Variants in MAP3K7CL observed in about 807,000 individuals in gnomAD.
MAP3K7CL encodes the protein MAP3K7 C-terminal like.
A neutral mutation model predicts 18.6 loss-of-function variants in MAP3K7CL; 16 were observed. That is an observed-to-expected ratio of 0.86 (90% confidence interval 0.58 to 1.31). The LOEUF (loss-of-function observed/expected upper bound fraction) is 1.31. MAP3K7CL is among the 50% of genes most tolerant of loss of function. The pLI is 0.00. For synonymous variants in MAP3K7CL, 65 were observed against 66.8 expected (o/e 0.97, Z 0.13); for missense variants, 163 against 174.4 (o/e 0.93, Z 0.37).
chr21:29,112,890 C>T (rs534012314), intron 4 of MAP3K7CL, among the ~76,000 whole-genome samples: 3 of 151,884 alleles, frequency 2.0e-5, no homozygotes, highest in Non-Finnish European at 2.9e-5. Context: ...ACCACTGCAA[C>T]CTCTGCCTCC....
chr21:29,109,161 C>T (rs1284224695), intron 4 of MAP3K7CL: 36 of 1,535,310 alleles, frequency 2.3e-5, no homozygotes, highest in South Asian at 6.0e-5. Flanking sequence ...CCCTAACGCC[C>T]TTTCCACCAG....
intron 1 of MAP3K7CL, among the ~76,000 whole-genome samples, chr21:29,080,274 G>C (rs1248545828): frequency 6.6e-6 from 1 of 152,220 alleles, no homozygotes; most frequent in Non-Finnish European, 1.5e-5. Flanking sequence ...CTTGGATTCT[G>C]TTGCAGTTAT....
At chr21:29,148,151 T>C (rs1194320907) in intron 2 of MAP3K7CL, among the ~76,000 whole-genome samples, 2 of 152,052 alleles carry the variant, frequency 1.3e-5, no homozygotes, top group Non-Finnish European at 2.9e-5. Flanking sequence ...GTACTGTATA[T>C]GTATCTGTAC....
intron 2 of MAP3K7CL, among the ~76,000 whole-genome samples, chr21:29,143,437 T>C (rs771703582): frequency 4.4e-4 from 67 of 151,978 alleles, no homozygotes; most frequent in Non-Finnish European, 7.8e-4. Context: ...TTCTTTTTTT[T>C]TTGAGGCGGA....
intron 4 of MAP3K7CL, among the ~76,000 whole-genome samples, chr21:29,124,447 A>G (rs1298571918): frequency 6.6e-6 from 1 of 152,072 alleles, no homozygotes; most frequent in Non-Finnish European, 1.5e-5. Context: ...TTAAGTTTTC[A>G]TAAATAAAAT....
intron 2 of MAP3K7CL, among the ~76,000 whole-genome samples, chr21:29,142,359 G>A (rs752871548): frequency 6.6e-5 from 10 of 152,152 alleles, no homozygotes; most frequent in Non-Finnish European, 1.3e-4. Context: ...GAGCCACTGC[G>A]CCTGGACAGA....
intron 4 of MAP3K7CL, among the ~76,000 whole-genome samples, chr21:29,125,538 C>T (rs1240235731): frequency 6.6e-6 from 1 of 152,160 alleles, no homozygotes; most frequent in East Asian, 1.9e-4. Flanking sequence ...CCCAGTTACC[C>T]TTAAAATCAA....
At chr21:29,167,369 A>T (rs1214942315) in intron 4 of MAP3K7CL, among the ~76,000 whole-genome samples, 1 of 152,216 alleles carries the variant, frequency 6.6e-6, no homozygotes, top group African/African-American at 2.4e-5. Context: ...ATGTCTTTTT[A>T]AAATGTATAA....
chr21:29,115,050 C>A (rs1218246976), intron 4 of MAP3K7CL, among the ~76,000 whole-genome samples: 1 of 152,178 alleles, frequency 6.6e-6, no homozygotes, highest in African/African-American at 2.4e-5. Flanking sequence ...GCCCATTGGA[C>A]AGCAGGGGGT....
At chr21:29,167,363 C>CTT (rs926994831) in intron 4 of MAP3K7CL, among the ~76,000 whole-genome samples, 18 of 152,260 alleles carry the variant, frequency 1.2e-4, no homozygotes, top group African/African-American at 4.3e-4. Context: ...ATTGTCATGT[C>CTT]TTTTTAAAAT....
chr21:29,097,599 T>G (rs1601144618), intron 4 of MAP3K7CL, among the ~76,000 whole-genome samples: 1 of 151,090 alleles, frequency 6.6e-6, no homozygotes, highest in Non-Finnish European at 1.5e-5. Context: ...CCTTACAAGT[T>G]TTTTTTTTAT....
chr21:29,160,629 C>T lies in MAP3K7CL; in HGVS notation c.248+573C>T, dbSNP rs954507950. ...CCTTCTTTTTAATTGCACTTGATTCCGCCAGTGCCTACCCCAGTGAATCCC... is the reference window on the plus strand; with the variant it reads ...CCTTCTTTTTAATTGCACTTGATTCTGCCAGTGCCTACCCCAGTGAATCCC... On this transcript the variant is annotated intron_variant, in intron 4 of 4. Transcript: ENST00000399928. Among the ~76,000 whole-genome samples, 10 of 152,156 alleles carry T rather than the reference C, an allele frequency of 6.6e-5. No individual in the cohort carries two copies. In the South Asian group the frequency reaches 1.2e-3, roughly 19 times the overall value.
chr21:29,164,107 AAAAC>A (rs1568971669), intron 4 of MAP3K7CL, among the ~76,000 whole-genome samples: 1 of 148,940 alleles, frequency 6.7e-6, no homozygotes, highest in Non-Finnish European at 1.5e-5. Context: ...TTAAAAAAAA[AAAAC>A]AAACTGCTAG....
upstream of MAP3K7CL, among the ~76,000 whole-genome samples, chr21:29,077,294 G>T (rs2085765127): frequency 6.6e-6 from 1 of 152,256 alleles, no homozygotes; most frequent in African/African-American, 2.4e-5. Context: ...CAGGTCCCTA[G>T]CCCTGCCCTG....
chr21:29,126,941 ATT>A (rs762869020), upstream of MAP3K7CL, among the ~76,000 whole-genome samples: 3 of 152,234 alleles, frequency 2.0e-5, no homozygotes, highest in Non-Finnish European at 2.9e-5. Context: ...CTTCTCAACT[ATT>A]CTCTAAATGC....
chr21:29,078,358 C>T (rs896550626), intron 1 of MAP3K7CL, among the ~76,000 whole-genome samples: 4 of 151,856 alleles, frequency 2.6e-5, no homozygotes, highest in African/African-American at 9.7e-5. Context: ...CTCTTTTAAT[C>T]GAATTTATTT....
chr21:29,155,969 C>T (rs995597659), intron 3 of MAP3K7CL, among the ~76,000 whole-genome samples: 2 of 152,226 alleles, frequency 1.3e-5, no homozygotes, highest in African/African-American at 4.8e-5. Flanking sequence ...GCTGCTGTGA[C>T]CGCACAGAAT....
At chr21:29,171,598 C>A (rs1318617370) in intron 4 of MAP3K7CL, among the ~76,000 whole-genome samples, 1 of 151,958 alleles carries the variant, frequency 6.6e-6, no homozygotes, top group African/African-American at 2.4e-5. Context: ...GGAGGATCAC[C>A]TGAGGTCAGG....
upstream of MAP3K7CL, among the ~76,000 whole-genome samples, chr21:29,083,996 CAT>C (rs978759474): frequency 3.4e-5 from 5 of 146,480 alleles, no homozygotes; most frequent in African/African-American, 9.9e-5. Flanking sequence ...TGTATACACA[CAT>C]GTATATGTAT....
Sources: gnomAD v4.1 joint callset for allele counts (sites outside exome capture counted in the v4.1 genomes callset) on GRCh38, gnomAD v4.1.1 for gene constraint, MANE v1.5 for transcripts, NCBI Gene and HGNC (gene_info 2026-07-23, HGNC 2026-07-21) for gene names.